LAMA5: variants seen among roughly 807,000 people sequenced by gnomAD.
The protein encoded by LAMA5 is laminin subunit alpha-5.
A neutral mutation model predicts 433.4 loss-of-function variants in LAMA5; 260 were observed. That is an observed-to-expected ratio of 0.60 (90% confidence interval 0.54 to 0.66). The LOEUF (loss-of-function observed/expected upper bound fraction) is 0.66, where lower values mean the gene tolerates loss of function less well. LAMA5 is among the 30% of genes least tolerant of loss of function. The pLI, the probability that LAMA5 is intolerant of heterozygous loss-of-function variation, is 0.00. For missense variants in LAMA5, 5,378 were observed against 5,258.5 expected, an observed-to-expected ratio of 1.02 and a Z score of -0.70; for synonymous variants, 2,620 against 2,226.6, an observed-to-expected ratio of 1.18 and a Z score of -4.97.
At position 62,337,875 on chromosome 20, in the gene LAMA5, C is replaced by T; in HGVS notation, c.1955G>A (p.Cys652Tyr). ...GGCAGTGCCTGTGTAGCCGGGGCGG[C>T]AGCGGCACAAACCTCCCGCCCCACA... is the stretch of plus-strand genomic sequence containing the variant. ...QLCGAGGLCR[C>Y]RPGYTGTACQ... The change falls in exon 15 of 80, where the codon TGC becomes TAC. Residue 652 changes from cysteine (C) to tyrosine (Y), a missense_variant. Physicochemically the swap from Cys to Tyr is radical, Grantham distance 194. Coordinates refer to ENST00000252999, the MANE Select transcript of LAMA5 (RefSeq NM_005560.6). The T allele has an allele frequency of 6.2e-7, 1 of 1,612,582 alleles. No individual in the cohort carries two copies. Among genetic ancestry groups the T allele is most frequent in the Non-Finnish European group, 8.5e-7 (1 of 1,179,878 alleles).
Position 62,310,091 on chromosome 20 carries a change from T to TA in LAMA5, c.10735-11dup. ...CCGCCCGCAGCAGGACCTGGCGGGG[T>TA]AGGAAGGGAGGGTCAGGCTATGCCC... On this transcript the variant is annotated splice_polypyrimidine_tract_variant and intron_variant, in intron 77 of 79. Coordinates refer to ENST00000252999, the MANE Select transcript of LAMA5 (RefSeq NM_005560.6). 2 of 1,608,068 alleles carry TA rather than the reference T, an allele frequency of 1.2e-6. No individual in the cohort carries two copies. The highest frequency in any genetic ancestry group is 1.7e-6 in the Non-Finnish European group (2 of 1,179,036).
At chr20:62,351,343 G>A (rs768141067) in intron 6 of LAMA5, 11 of 387,202 alleles carry the variant, frequency 2.8e-5, no homozygotes, top group Non-Finnish European at 4.3e-5. Context: ...TCTTGGAGTC[G>A]GGGATCAATC....
intron 62 of LAMA5, 145 bp from the exon 63 acceptor site, chr20:62,313,947 A>ACGGAGAGACGAGGGG: frequency 3.2e-6 from 2 of 627,556 alleles, no homozygotes; most frequent in African/African-American, 3.1e-5. Context: ...GCGAGTGGGC[A>ACGGAGAGACGAGGGG]TGGAGAGACG....
chr20:62,329,308 GC>G lies in LAMA5; in HGVS notation c.4120-56del. The G allele has an allele frequency of 1.2e-5, 16 of 1,340,064 alleles. No individual in the cohort carries two copies. The South Asian group carries it at 1.7e-4, about 14-fold the overall frequency. 83.0% of individuals were successfully genotyped at this position (1,340,064 alleles called of 1,614,324 possible). The stretch of plus-strand genomic sequence containing the variant: ...CGGGCCCAGAGCCTGCAGCGGGGAG[GC>G]CCCCAGAGGCTGGCTGGGACCAGGG... On this transcript the variant is annotated intron_variant, in intron 32 of 79. Coordinates refer to ENST00000252999, the MANE Select transcript of LAMA5 (RefSeq NM_005560.6).
At chr20:62,310,593 G>T (rs746205475) in intron 75 of LAMA5, 21 bp from the exon 76 acceptor site, 2 of 1,568,426 alleles carry the variant, frequency 1.3e-6, no homozygotes, top group Non-Finnish European at 1.7e-6. Flanking sequence ...AGACCGGGCA[G>T]GGATCAGGGC....
chr20:62,362,611 C>G, intron 1 of LAMA5, 59 bp from the exon 2 acceptor site: 1 of 1,369,886 alleles, frequency 7.3e-7, no homozygotes, highest in Non-Finnish European at 9.6e-7. Flanking sequence ...CTTCCTCCTC[C>G]ACAGTCACCC....
rs1268437899 is a variant in LAMA5 at position 62,346,138 on chromosome 20, A to G, written c.1360T>C (p.Ser454Pro). ...TGRCYCRPNF[S>P]GERCDVCAEG... ...GCACACACGTCACACCGCTCCCCAG[A>G]GAAGTTGGGCCGGCAGTAGCATCGA... Residue 454 changes from serine (S) to proline (P), a missense_variant, in exon 10 of 80, where the codon TCT (serine) becomes CCT (proline). Physicochemically the swap from Ser to Pro is moderately conservative, Grantham distance 74. Transcript: ENST00000252999. 1 of 1,613,076 alleles carries G rather than the reference A, an allele frequency of 6.2e-7. No homozygotes were observed. The highest frequency in any genetic ancestry group is 8.5e-7 in the Non-Finnish European group (1 of 1,179,986).
Position 62,309,495 on chromosome 20 carries a change from GGAAGA to G in LAMA5, c.10949-25_10949-21del. 6.4e-7 allele frequency: 1 copy of G among 1,560,042 alleles called. No individual in the cohort carries two copies. The highest frequency in any genetic ancestry group is 8.6e-7 in the Non-Finnish European group (1 of 1,160,254). ...TGGGCTCTGGGGGCACAGGGAAGAT[GGAAGA>G]AGGCTGGTTGGTGGGCAGCTAGAGA... On this transcript the variant is annotated intron_variant, in intron 79 of 79. Coordinates refer to ENST00000252999, the MANE Select transcript of LAMA5 (RefSeq NM_005560.6).
In LAMA5 at chr20:62,330,788, G is replaced by A. The variant is rs544768082; in HGVS notation, c.3807C>T (p.Thr1269=). 6.6e-5 allele frequency: 103 copies of A among 1,562,366 alleles called. 2 individuals are homozygous for A. The highest frequency in any genetic ancestry group is 4.0e-4 in the South Asian group (34 of 84,890). Residue 1269 remains threonine, a synonymous_variant, in exon 30 of 80, where the codon ACC becomes ACT. Transcript: ENST00000252999. ...SPAGPRPRPP[T]AVDPDAEPTL... is the part of the protein sequence containing the mutation. ...TGGGCTCTGCATCAGGGTCCACAGCGGTGGGGGGCCGAGGTCGGGGTCCAG... is the reference window on the plus strand; with the variant it reads ...TGGGCTCTGCATCAGGGTCCACAGCAGTGGGGGGCCGAGGTCGGGGTCCAG...
Position 62,310,160 on chromosome 20 carries a change from C to G in LAMA5, c.10734+18G>C, listed in dbSNP as rs369707495. ...GGAGGCAAACCCTGCCCTGGCACGC[C>G]ACCTCTGCCAGGCTTACTTGCTTCT... On this transcript the variant is annotated intron_variant, in intron 77 of 79. Coordinates refer to ENST00000252999, the MANE Select transcript of LAMA5 (RefSeq NM_005560.6). The G allele has an allele frequency of 6.2e-7, 1 of 1,612,006 alleles. No homozygotes were observed. Among genetic ancestry groups the G allele is most frequent in the African/African-American group, 1.3e-5 (1 of 74,938 alleles).
rs554264408 is a variant in LAMA5, at chr20:62,346,345, G to A, written c.1283-130C>T. The stretch of plus-strand genomic sequence containing the variant: ...GGGCTACAGCCAGGCCCCCTGGGGG[G>A]ACATGAGGGCTGGGGACCCGCCCCG... On this transcript the variant is annotated intron_variant, in intron 9 of 79. Coordinates refer to ENST00000252999, the MANE Select transcript of LAMA5 (RefSeq NM_005560.6). The A allele has an allele frequency of 7.9e-6, 11 of 1,401,026 alleles. No homozygotes were observed. The East Asian group carries it at 2.2e-4, about 29-fold the overall frequency. The allele number at this position is 1,401,026 out of a possible 1,614,324, so 86.8% of individuals were successfully genotyped here. A position where few individuals can be genotyped will look rare whatever the true frequency, so the allele number is the denominator to read the frequency against.
chr20:62,365,769 G>C (rs1601444325), intron 1 of LAMA5, among the ~76,000 whole-genome samples: 1 of 152,180 alleles, frequency 6.6e-6, no homozygotes, highest in East Asian at 1.9e-4. Context: ...CAGCTTTCCA[G>C]GGCTCAGATC....
chr20:62,338,083 C>T lies in LAMA5; in HGVS notation c.1824G>A (p.Gln608=), dbSNP rs1317090581. ...CACAATGAGGTCCAGCAAACTCAGG[C>T]TGGCATAGGCAGCGGCCGGCCTCAT... is the stretch of plus-strand genomic sequence containing the variant. ...GCDEAGRCLC[Q]PEFAGPHCDR... is the part of the protein sequence containing the mutation. Residue 608 remains glutamine, a synonymous_variant, in exon 14 of 80, where the codon CAG becomes CAA. Coordinates refer to ENST00000252999, the MANE Select transcript of LAMA5 (RefSeq NM_005560.6). 4 of 1,604,456 alleles carry T rather than the reference C, an allele frequency of 2.5e-6. No individual in the cohort carries two copies. The highest frequency in any genetic ancestry group is 1.3e-5 in the African/African-American group (1 of 74,774).
At chr20:62,329,343 G>A in intron 32 of LAMA5, 90 bp from the exon 33 acceptor site, 1 of 942,828 alleles carries the variant, frequency 1.1e-6, no homozygotes, top group Non-Finnish European at 1.6e-6. Flanking sequence ...GGTCCTGCAG[G>A]CAGCTCAGAG....
chr20:62,325,575 G>T, intron 40 of LAMA5, 29 bp from the exon 41 acceptor site: 1 of 1,469,626 alleles, frequency 6.8e-7, no homozygotes, highest in Non-Finnish European at 9.4e-7. Flanking sequence ...ACCTCAGTGG[G>T]GCCACACTCA....
At chr20:62,365,476 C>G (rs369066383) in intron 1 of LAMA5, among the ~76,000 whole-genome samples, 96 of 152,328 alleles carry the variant, frequency 6.3e-4, no homozygotes, top group African/African-American at 2.1e-3. Context: ...GGGCCTGTGG[C>G]CCCCAGCCAC....
rs753064723 is a variant in LAMA5 at position 62,323,456 on chromosome 20, G to A, written c.6064C>T (p.Arg2022Trp). The change falls in exon 45 of 80, where the codon CGG (arginine) becomes TGG (tryptophan). Residue 2022 changes from arginine (R) to tryptophan (W), a missense_variant and splice_region_variant. Coordinates refer to ENST00000252999, the MANE Select transcript of LAMA5 (RefSeq NM_005560.6). ...GCATCCCTCCCAGCCCGACGCCTAC[G>A]GGTGCAGTTGCCGGGCAGCAGGGCG... Reference protein sequence around the residue: ...GNALLPGNCTRCDCTPCGTEA... With the variant: ...GNALLPGNCTWCDCTPCGTEA... 2.9e-5 allele frequency: 44 copies of A among 1,538,126 alleles called. No individual in the cohort carries two copies. Among genetic ancestry groups the A allele is most frequent in the East Asian group, 4.9e-5 (2 of 40,972 alleles).
chr20:62,330,666 C>T (rs756720094), intron 30 of LAMA5, 52 bp from the exon 31 acceptor site: 48 of 1,561,976 alleles, frequency 3.1e-5, no homozygotes, highest in Admixed American at 1.9e-4. Flanking sequence ...CCTGCTGCCC[C>T]CTGGACAACC....
At position 62,330,819 on chromosome 20, in the gene LAMA5, G is replaced by A. The variant is rs1222598661; in HGVS notation, c.3776C>T (p.Ser1259Phe). 6.4e-7 allele frequency: 1 copy of A among 1,551,746 alleles called. No homozygotes were observed. The highest frequency in any genetic ancestry group is 8.7e-7 in the Non-Finnish European group (1 of 1,148,778). ...THAQDLTPAM[S>F]PAGPRPRPPT... ...GGGCCGAGGTCGGGGTCCAGCTGGG[G>A]ACATGGCTGGAGTGAGATCCTGCGC... The change falls in exon 30 of 80, where the codon TCC becomes TTC. Residue 1259 changes from serine to phenylalanine, a missense_variant. By Grantham distance (155) the Ser-to-Phe change is radical. Transcript: ENST00000252999.
Sources: gnomAD v4.1 joint callset for allele counts (sites outside exome capture counted in the v4.1 genomes callset) on GRCh38, gnomAD v4.1.1 for gene constraint, MANE v1.5 for transcripts, NCBI Gene and HGNC (gene_info 2026-07-23, HGNC 2026-07-21) for gene names.